The following KMT5A variants were observed in gnomAD, a reference collection of about 807,000 sequenced individuals.
KMT5A encodes lysine methyltransferase 5A.
In KMT5A, 6 loss-of-function variants were observed where a neutral mutation model predicts 40.6. The observed-to-expected ratio is 0.15, with a 90% confidence interval of 0.08 to 0.29. The LOEUF (loss-of-function observed/expected upper bound fraction) is 0.29. KMT5A is among the 10% of genes least tolerant of loss of function. The probability of loss-of-function intolerance (pLI) is 1.00; values close to 1 mark genes in which losing one functional copy is unlikely to be tolerated. For missense variants in KMT5A, 308 were observed against 459.1 expected, an observed-to-expected ratio of 0.67 and a Z score of 3.01; for synonymous variants, 153 against 178.8, an observed-to-expected ratio of 0.86 and a Z score of 1.15.
Position 123,408,521 on chromosome 12 carries a change from A to G in KMT5A, c.*818A>G, listed in dbSNP as rs1878749912. 1.3e-5 allele frequency: 2 copies of G among 151,458 alleles called. No homozygotes were observed. The highest frequency in any genetic ancestry group is 1.5e-5 in the Non-Finnish European group (1 of 67,772). 9.4% of individuals were successfully genotyped at this position (151,458 alleles called of 1,614,324 possible). On this transcript the variant is annotated 3_prime_UTR_variant, in exon 8 of 8. Coordinates refer to ENST00000402868, the MANE Select transcript of KMT5A (RefSeq NM_020382.7). ...ATTAAAAATAAAAAAAACCACAGAA[A>G]ACAACTTTACATGTATATAGGTCTT...
At chr12:123,391,155 A>G (rs760022525) in intron 3 of KMT5A, 1 of 181,556 alleles carries the variant, frequency 5.5e-6, no homozygotes, top group Non-Finnish European at 1.2e-5. Flanking sequence ...TCATGTAGGG[A>G]ACTGACTTCC....
Position 123,384,754 on chromosome 12 carries a change from C to A in KMT5A, c.10+546C>A, listed in dbSNP as rs566673634. 6.6e-6 allele frequency among the ~76,000 whole-genome samples: 1 copy of A among 152,376 alleles called. No individual in the cohort carries two copies. The highest frequency in any genetic ancestry group is 2.1e-4 in the South Asian group (1 of 4,832). On this transcript the variant is annotated intron_variant, in intron 1 of 7. Transcript: ENST00000402868. The surrounding 1 kb of genome is among the most constrained non-coding windows in gnomAD (Gnocchi z 5.7). ...TGGAGCGAAGGCCGGGCCCCGCTGG[C>A]CCACTTTGGGGTAAAACGGGTTCCT...
At chr12:123,385,707 C>A (rs994511428) in intron 1 of KMT5A, among the ~76,000 whole-genome samples, 1 of 151,926 alleles carries the variant, frequency 6.6e-6, no homozygotes. Flanking sequence ...CAAAATTAGC[C>A]GGGCATGGCA....
intron 5 of KMT5A, among the ~76,000 whole-genome samples, chr12:123,402,359 C>T (rs902281029): frequency 4.6e-5 from 7 of 152,208 alleles, no homozygotes; most frequent in African/African-American, 4.8e-5. Context: ...TGGGACTGTC[C>T]TTGAGGTTAC....
chr12:123,403,730 C>A, intron 6 of KMT5A, 98 bp downstream of exon 6: 2 of 1,335,610 alleles, frequency 1.5e-6, no homozygotes, highest in Non-Finnish European at 2.1e-6. Context: ...GGCTTTCACC[C>A]TCTAATGGCC....
At chr12:123,393,201 T>C (rs1167061544) in intron 3 of KMT5A, among the ~76,000 whole-genome samples, 1 of 152,138 alleles carries the variant, frequency 6.6e-6, no homozygotes, top group Non-Finnish European at 1.5e-5. Flanking sequence ...ATTTTTCTGT[T>C]TTGTTTATCT....
Position 123,384,266 on chromosome 12 carries a change from T to C in KMT5A, c.10+58T>C. On this transcript the variant is annotated intron_variant, in intron 1 of 7. Coordinates refer to ENST00000402868, the MANE Select transcript of KMT5A (RefSeq NM_020382.7). The surrounding 1 kb of genome is among the most constrained non-coding windows in gnomAD (Gnocchi z 5.7). ...TGGGTCGGGGGTCGTGCTGGAGGGGTTGCCGGGGTGGAGGCAGCGGCTGCG... is the reference window on the plus strand; with the variant it reads ...TGGGTCGGGGGTCGTGCTGGAGGGGCTGCCGGGGTGGAGGCAGCGGCTGCG... 1 of 1,602,934 alleles carries C rather than the reference T, an allele frequency of 6.2e-7. No homozygotes were observed.
At chr12:123,394,104 C>CTTT (rs397711320) in intron 3 of KMT5A, among the ~76,000 whole-genome samples, 56 of 125,056 alleles carry the variant, frequency 4.5e-4, no homozygotes, top group East Asian at 6.9e-4. Context: ...ATTTTTTTTT[C>CTTT]TTTTTTTTTT....
At chr12:123,386,447 C>T (rs560129088) in intron 1 of KMT5A, among the ~76,000 whole-genome samples, 9 of 152,132 alleles carry the variant, frequency 5.9e-5, no homozygotes, top group Non-Finnish European at 1.0e-4. Context: ...AACTCCTGAC[C>T]TCAGGTTATC....
At chr12:123,389,658 C>T in intron 2 of KMT5A, 104 bp downstream of exon 2, 1 of 857,882 alleles carries the variant, frequency 1.2e-6, no homozygotes, top group African/African-American at 1.8e-5. Context: ...GGCCGGGCCG[C>T]TTCCTTTGCT....
rs141698362 is a variant in KMT5A, at chr12:123,384,342, G to C, written c.10+134G>C. ...GGGGCAAGCTTGGGGACCCGCGTGG[G>C]GGGAGAGGGGGTGCTGCTGCGGAAC... On this transcript the variant is annotated intron_variant, in intron 1 of 7. Transcript: ENST00000402868. This position sits in a 1 kb window ranked among gnomAD's most constrained non-coding sequence, Gnocchi z 5.7. 1,827 of 1,238,572 alleles carry C rather than the reference G, an allele frequency of 1.5e-3. 2 individuals carry two copies. Among genetic ancestry groups the C allele is most frequent in the Admixed American group, 1.9e-3 (90 of 47,014 alleles). 76.7% of individuals were successfully genotyped at this position (1,238,572 alleles called of 1,614,324 possible). A position where few individuals can be genotyped will look rare whatever the true frequency, so the allele number is the denominator to read the frequency against.
intron 5 of KMT5A, among the ~76,000 whole-genome samples, chr12:123,401,541 G>T (rs181180157): frequency 6.6e-6 from 1 of 151,036 alleles, no homozygotes; most frequent in Admixed American, 6.6e-5. Context: ...GGTTTTGTTA[G>T]GTATATTACT....
Position 123,389,500 on chromosome 12 carries a change from C to T in KMT5A, c.78C>T (p.Ala26=). 1 of 1,127,472 alleles carries T rather than the reference C, an allele frequency of 8.9e-7. No individual in the cohort carries two copies. Among genetic ancestry groups the T allele is most frequent in the Non-Finnish European group, 1.1e-6 (1 of 926,388 alleles). The allele number at this position is 1,127,472 out of a possible 1,614,324, so 69.8% of individuals were successfully genotyped here. The change falls in exon 2 of 8, where the codon GCC becomes GCT. Residue 26 remains alanine, a synonymous_variant. Transcript: ENST00000402868. Reference sequence around the variant, plus strand: ...CGGCGGCGGCGGTGGCAGCGACGGCCCCGGGCCCGGAGATGGTGGAGCGGA... The same window carrying T: ...CGGCGGCGGCGGTGGCAGCGACGGCTCCGGGCCCGGAGATGGTGGAGCGGA... The part of the protein sequence containing the change: ...AAAAAAVAAT[A]PGPEMVERRG...
intron 3 of KMT5A, among the ~76,000 whole-genome samples, chr12:123,393,449 C>T (rs1014360904): frequency 1.3e-5 from 2 of 152,176 alleles, no homozygotes; most frequent in African/African-American, 4.8e-5. Flanking sequence ...TGGATGGAAT[C>T]ACAAAATACA....
chr12:123,396,497 G>C, intron 5 of KMT5A, 65 bp downstream of exon 5: 1 of 1,388,502 alleles, frequency 7.2e-7, no homozygotes, highest in Non-Finnish European at 1.0e-6. Flanking sequence ...AGTGCTTGGC[G>C]TGTGCGTATG....
At chr12:123,398,292 A>G (rs990483122) in intron 5 of KMT5A, among the ~76,000 whole-genome samples, 3 of 151,926 alleles carry the variant, frequency 2.0e-5, no homozygotes, top group Non-Finnish European at 4.4e-5. Context: ...AAAAAAAAAA[A>G]AAGACAGCAC....
At chr12:123,396,531 G>A (rs150636455) in intron 5 of KMT5A, 99 bp downstream of exon 5, 22 of 1,139,658 alleles carry the variant, frequency 1.9e-5, no homozygotes, top group African/African-American at 9.1e-5. Context: ...CCTTGTTTTC[G>A]TCATCTTGGA....
chr12:123,389,990 C>CCGT, intron 2 of KMT5A: 1 of 456,806 alleles, frequency 2.2e-6, no homozygotes, highest in South Asian at 1.6e-5. Context: ...CCCCACCGCC[C>CCGT]CGTCCACTCT....
rs1302778010 is a variant in KMT5A at position 123,384,438 on chromosome 12, C to CT, written c.10+231dup. On this transcript the variant is annotated intron_variant, in intron 1 of 7. Coordinates refer to ENST00000402868, the MANE Select transcript of KMT5A (RefSeq NM_020382.7). This position sits in a 1 kb window ranked among gnomAD's most constrained non-coding sequence, Gnocchi z 5.7. ...CCACTGCCGTGCTTCTGTTTCCCTT[C>CT]TATGAAGTGAACACCTGCGGGCCTG... Among the ~76,000 whole-genome samples the CT allele has an allele frequency of 1.3e-5, 2 of 152,218 alleles. No homozygotes were observed. The highest frequency in any genetic ancestry group is 2.4e-5 in the African/African-American group (1 of 41,452).
Sources: gnomAD v4.1 joint callset for allele counts (sites outside exome capture counted in the v4.1 genomes callset) on GRCh38, gnomAD v4.1.1 for gene constraint, Gnocchi (gnomAD v3.1) non-coding constraint, MANE v1.5 for transcripts, NCBI Gene and HGNC (gene_info 2026-07-23, HGNC 2026-07-21) for gene names.